The following GRIA4 variants were observed in gnomAD, a reference collection of about 807,000 sequenced individuals.
GRIA4 encodes glutamate ionotropic receptor AMPA type subunit 4.
A neutral mutation model predicts 104.0 loss-of-function variants in GRIA4; 34 were observed. The observed-to-expected ratio is 0.33, with a 90% CI of 0.25 to 0.44. GRIA4 has a LOEUF of 0.44. Among genes scored for constraint, GRIA4 ranks in the 20% least tolerant of loss-of-function variants. The probability of loss-of-function intolerance (pLI) is 1.00; values close to 1 mark genes in which losing one functional copy is unlikely to be tolerated. For missense variants in GRIA4, 750 were observed against 1,096.5 expected, an observed-to-expected ratio of 0.68 and a Z score of 4.46; for synonymous variants, 386 against 381.9, an observed-to-expected ratio of 1.01 and a Z score of -0.13.
intron 3 of GRIA4, among the ~76,000 whole-genome samples, chr11:105,740,904 C>T (rs577445133): frequency 6.6e-6 from 1 of 152,248 alleles, no homozygotes; most frequent in South Asian, 2.1e-4. Flanking sequence ...GCTTTTAGAT[C>T]ACATGGGTAT....
intron 3 of GRIA4, among the ~76,000 whole-genome samples, chr11:105,654,792 T>C (rs1443519368): frequency 6.6e-6 from 1 of 152,146 alleles, no homozygotes; most frequent in African/African-American, 2.4e-5. Flanking sequence ...ACCTAGTAAG[T>C]CCCCAAGTAG....
chr11:105,831,623 C>A (rs1319489087), intron 4 of GRIA4, among the ~76,000 whole-genome samples: 6 of 152,004 alleles, frequency 3.9e-5, no homozygotes, highest in Admixed American at 3.9e-4. Context: ...ATACTCATCA[C>A]GTAAAGGGAG....
chr11:105,859,585 C>T (rs1945143287), intron 4 of GRIA4, among the ~76,000 whole-genome samples: 1 of 152,104 alleles, frequency 6.6e-6, no homozygotes. Flanking sequence ...AGAATAACAA[C>T]ATGGATGCCT....
chr11:105,876,991 C>T (rs1173061455), intron 5 of GRIA4, among the ~76,000 whole-genome samples: 1 of 152,164 alleles, frequency 6.6e-6, no homozygotes, highest in Non-Finnish European at 1.5e-5. Context: ...TTACTTAAAG[C>T]AGTTTCTTCA....
At chr11:105,822,908 C>G (rs970748249) in intron 4 of GRIA4, among the ~76,000 whole-genome samples, 4 of 152,070 alleles carry the variant, frequency 2.6e-5, no homozygotes, top group Non-Finnish European at 4.4e-5. Context: ...TTGGTTATTA[C>G]TCTTTCTGCT....
chr11:105,753,506 C>A (rs1406464620), intron 4 of GRIA4, among the ~76,000 whole-genome samples: 1 of 152,140 alleles, frequency 6.6e-6, no homozygotes, highest in East Asian at 1.9e-4. Flanking sequence ...TCTCACACAA[C>A]AATCAACAAA....
chr11:105,868,660 T>C (rs528647459), intron 5 of GRIA4, among the ~76,000 whole-genome samples: 23 of 152,126 alleles, frequency 1.5e-4, no homozygotes, highest in Non-Finnish European at 3.4e-4. Context: ...CCAGAGTTTG[T>C]TGTACAGGCT....
At chr11:105,728,633 A>G (rs192991673) in intron 3 of GRIA4, among the ~76,000 whole-genome samples, 1 of 152,350 alleles carries the variant, frequency 6.6e-6, no homozygotes, top group East Asian at 1.9e-4. Context: ...ATGCAAAATA[A>G]CAGAAATTAT....
chr11:105,907,548 G>A (rs1947085517), intron 9 of GRIA4, among the ~76,000 whole-genome samples: 3 of 152,124 alleles, frequency 2.0e-5, no homozygotes, highest in South Asian at 4.1e-4. Flanking sequence ...AAAACTGATA[G>A]AGAGTCTCAT....
At chr11:105,737,275 A>G (rs996878007) in intron 3 of GRIA4, among the ~76,000 whole-genome samples, 10 of 152,276 alleles carry the variant, frequency 6.6e-5, no homozygotes, top group Non-Finnish European at 1.0e-4. Context: ...CAGCCAAAAA[A>G]TAACAACACA....
At chr11:105,866,516 C>T (rs28645614) in intron 5 of GRIA4, among the ~76,000 whole-genome samples, 1 of 141,806 alleles carries the variant, frequency 7.1e-6, no homozygotes, top group Non-Finnish European at 1.5e-5. Flanking sequence ...TATATATACA[C>T]ACATACATAT....
chr11:105,934,163 A>C (rs1947963102), intron 14 of GRIA4, among the ~76,000 whole-genome samples, 194 bp downstream of exon 14: 1 of 152,046 alleles, frequency 6.6e-6, no homozygotes, highest in Non-Finnish European at 1.5e-5. Context: ...ATCCTTGTTG[A>C]CATATATCTT....
intron 3 of GRIA4, among the ~76,000 whole-genome samples, chr11:105,680,431 C>T (rs189367712): frequency 1.1e-3 from 163 of 152,256 alleles, no homozygotes; most frequent in Admixed American, 5.5e-3. Context: ...ATAGCTGGCA[C>T]TGCAGCTGAA....
intron 14 of GRIA4, among the ~76,000 whole-genome samples, chr11:105,963,937 A>G (rs1424700921): frequency 6.6e-6 from 1 of 152,178 alleles, no homozygotes; most frequent in African/African-American, 2.4e-5. Context: ...GTATTACTTC[A>G]TTTTTAAAAA....
intron 3 of GRIA4, among the ~76,000 whole-genome samples, chr11:105,634,916 A>G (rs997089046): frequency 3.3e-5 from 5 of 152,202 alleles, no homozygotes; most frequent in African/African-American, 9.6e-5. Context: ...CCAATATTTT[A>G]TGAAATGATT....
chr11:105,907,702 T>G (rs1947092431), intron 9 of GRIA4, among the ~76,000 whole-genome samples: 1 of 152,200 alleles, frequency 6.6e-6, no homozygotes, highest in African/African-American at 2.4e-5. Flanking sequence ...TTGTAAAAAT[T>G]TCATGTATTG....
intron 3 of GRIA4, among the ~76,000 whole-genome samples, chr11:105,709,205 T>C (rs1565481935): frequency 6.6e-6 from 1 of 152,062 alleles, no homozygotes; most frequent in Non-Finnish European, 1.5e-5. Flanking sequence ...AAAAATTAAA[T>C]AGTGGTCATA....
chr11:105,879,334 C>A (rs1018640590), intron 5 of GRIA4, among the ~76,000 whole-genome samples: 2 of 152,186 alleles, frequency 1.3e-5, no homozygotes, highest in Non-Finnish European at 2.9e-5. Flanking sequence ...TGTTCCTATT[C>A]GGCCATCTTG....
intron 3 of GRIA4, among the ~76,000 whole-genome samples, chr11:105,616,355 G>A (rs1235645854): frequency 6.6e-6 from 1 of 151,562 alleles, no homozygotes; most frequent in Non-Finnish European, 1.5e-5. Flanking sequence ...CTGTGTGGCT[G>A]ATTTATTTGT....
Sources: allele counts gnomAD v4.1 joint callset (sites outside exome capture counted in the v4.1 genomes callset), GRCh38; gene constraint gnomAD v4.1.1; transcripts MANE v1.5; gene names NCBI Gene and HGNC (gene_info 2026-07-23, HGNC 2026-07-21).